Variants in TSHZ3 observed in about 807,000 individuals in gnomAD.
TSHZ3 encodes teashirt zinc finger homeobox 3, also known as teashirt homolog 3.
In TSHZ3, 10 loss-of-function variants were observed where a neutral mutation model predicts 64.5. That is an observed-to-expected ratio of 0.16 (90% confidence interval 0.10 to 0.26). TSHZ3 has a LOEUF of 0.26. Among genes scored for constraint, TSHZ3 ranks in the 10% least tolerant of loss-of-function variants. The probability of loss-of-function intolerance (pLI) is 1.00; values close to 1 mark genes in which losing one functional copy is unlikely to be tolerated. For synonymous variants in TSHZ3, 608 were observed against 593.1 expected (o/e 1.03, Z -0.36); for missense variants, 1,242 against 1,421.7 (o/e 0.87, Z 2.03).
Position 31,349,332 on chromosome 19 carries a change from C to G in TSHZ3, c.-113G>C. 3 of 1,048,752 alleles carry G rather than the reference C, an allele frequency of 2.9e-6. No homozygotes were observed. Among genetic ancestry groups the G allele is most frequent in the Non-Finnish European group, 3.8e-6 (3 of 785,010 alleles). The allele number at this position is 1,048,752 out of a possible 1,614,324, so 65.0% of individuals were successfully genotyped here. ...GGCGAGGCGGGCCTGCTCTCAGCCT[C>G]CCCCCCGGAGAGCGGCCGCCCGCAG... On this transcript the variant is annotated 5_prime_UTR_variant, in exon 1 of 2. Coordinates refer to ENST00000240587, the MANE Select transcript of TSHZ3 (RefSeq NM_020856.4).
intron 1 of TSHZ3, among the ~76,000 whole-genome samples, chr19:31,280,091 A>C (rs1456376939): frequency 6.6e-6 from 1 of 152,146 alleles, no homozygotes; most frequent in Non-Finnish European, 1.5e-5. Context: ...AAAGTAATAA[A>C]TTACTTGTAT....
chr19:31,316,866 A>G (rs1276050006), intron 1 of TSHZ3, among the ~76,000 whole-genome samples: 22 of 152,136 alleles, frequency 1.4e-4, no homozygotes. Context: ...CAGTCTTTCT[A>G]GTCGTTTTCC....
intron 1 of TSHZ3, among the ~76,000 whole-genome samples, chr19:31,299,788 G>A (rs554656462): frequency 7.8e-4 from 118 of 152,244 alleles, no homozygotes; most frequent in Middle Eastern, 3.4e-3. Context: ...GACTGGGTCC[G>A]GGACCCAAGT....
intron 1 of TSHZ3, among the ~76,000 whole-genome samples, chr19:31,286,256 C>A (rs180833970): frequency 6.6e-6 from 1 of 152,314 alleles, no homozygotes; most frequent in South Asian, 2.1e-4. Flanking sequence ...TTGGCATGCA[C>A]AGAACCAAAT....
At chr19:31,191,744 A>T (rs1355060364) in intron 5 of TSHZ3, among the ~76,000 whole-genome samples, 1 of 152,030 alleles carries the variant, frequency 6.6e-6, no homozygotes, top group Non-Finnish European at 1.5e-5. Flanking sequence ...CTGTAGTCCC[A>T]GCTATTTGGG....
intron 5 of TSHZ3, among the ~76,000 whole-genome samples, chr19:31,196,652 A>T (rs1974998103): frequency 1.3e-5 from 2 of 151,982 alleles, no homozygotes; most frequent in Admixed American, 1.3e-4. Context: ...GCTAACACTA[A>T]TCAAAAGAAA....
At chr19:31,289,890 C>G (rs1976534225) in intron 1 of TSHZ3, among the ~76,000 whole-genome samples, 1 of 152,124 alleles carries the variant, frequency 6.6e-6, no homozygotes, top group Non-Finnish European at 1.5e-5. Flanking sequence ...AGCTTATTCT[C>G]AATACACCTG....
intron 3 of TSHZ3, among the ~76,000 whole-genome samples, chr19:31,237,138 A>G (rs1277914332): frequency 6.6e-6 from 1 of 152,196 alleles, no homozygotes; most frequent in Non-Finnish European, 1.5e-5. Flanking sequence ...ACAGAGCGAA[A>G]CTCCGTCTAA....
chr19:31,335,967 T>G (rs1415090154), intron 1 of TSHZ3, among the ~76,000 whole-genome samples: 1 of 152,224 alleles, frequency 6.6e-6, no homozygotes, highest in East Asian at 1.9e-4. Context: ...CCTAGTGCAC[T>G]GATCTGGCGT....
rs571227546 is a variant in TSHZ3 at position 31,332,668 on chromosome 19, C to T, written c.40+16512G>A. Among the ~76,000 whole-genome samples, 9 of 152,176 alleles carry T rather than the reference C, an allele frequency of 5.9e-5. No homozygotes were observed. In the East Asian group the frequency reaches 7.7e-4, roughly 13 times the overall value. On this transcript the variant is annotated intron_variant, in intron 1 of 1. Coordinates refer to ENST00000240587, the MANE Select transcript of TSHZ3 (RefSeq NM_020856.4). ...GGTTCTTCAAAAAAGCTGCACAACT[C>T]GCTATTTCTAATTTTATGAACACCG... is the stretch of plus-strand genomic sequence containing the variant.
intron 5 of TSHZ3, among the ~76,000 whole-genome samples, chr19:31,158,996 C>T (rs574574024): frequency 1.2e-4 from 18 of 152,122 alleles, no homozygotes; most frequent in South Asian, 4.1e-4. Flanking sequence ...CCCTCTTCTA[C>T]GTTTGTTTGT....
rs750470884 is a variant in TSHZ3, at chr19:31,279,109, C to T, written c.684G>A (p.Glu228=). The T allele has an allele frequency of 9.9e-6, 16 of 1,614,008 alleles. No homozygotes were observed. In the South Asian group the frequency reaches 1.8e-4, roughly 18 times the overall value. The part of the protein sequence containing the change: ...DCSAAYDTLV[E]LTVHMNETGH... ...CCGTCTCGTTCATGTGCACCGTCAA[C>T]TCCACCAGGGTGTCGTAGGCAGCGC... Residue 228 remains glutamate, a synonymous_variant, in exon 2 of 2, where the codon GAG becomes GAA. Coordinates refer to ENST00000240587, the MANE Select transcript of TSHZ3 (RefSeq NM_020856.4). The surrounding 1 kb of genome is among the most constrained non-coding windows in gnomAD (Gnocchi z 6.4).
At chr19:31,160,365 C>T (rs1018230635) in intron 5 of TSHZ3, among the ~76,000 whole-genome samples, 2 of 152,316 alleles carry the variant, frequency 1.3e-5, no homozygotes, top group South Asian at 4.1e-4. Flanking sequence ...GGTCTATCTG[C>T]CCCTCTGCCA....
intron 1 of TSHZ3, among the ~76,000 whole-genome samples, chr19:31,322,128 GT>G (rs1427654213): frequency 6.6e-6 from 1 of 152,024 alleles, no homozygotes; most frequent in African/African-American, 2.4e-5. Context: ...ATGGTTTTAT[GT>G]TTGTTTGTTT....
chr19:31,177,125 C>T (rs1371132164), intron 5 of TSHZ3, among the ~76,000 whole-genome samples: 2 of 152,190 alleles, frequency 1.3e-5, no homozygotes, highest in African/African-American at 4.8e-5. Context: ...AGACTTTTCC[C>T]AGCAGCATAG....
At chr19:31,271,276 TG>T (rs1207830304), downstream of TSHZ3, among the ~76,000 whole-genome samples, 2 of 152,062 alleles carry the variant, frequency 1.3e-5, no homozygotes, top group Admixed American at 1.3e-4. Context: ...AAAATCCTCC[TG>T]GGGGTCGCCT....
chr19:31,342,366 TA>T (rs924567118), intron 1 of TSHZ3, among the ~76,000 whole-genome samples: 1 of 152,252 alleles, frequency 6.6e-6, no homozygotes, highest in African/African-American at 2.4e-5. Context: ...TTTTGCTTAA[TA>T]GTACGTTGGT....
chr19:31,164,576 C>T (rs931292658), intron 5 of TSHZ3, among the ~76,000 whole-genome samples: 26 of 152,272 alleles, frequency 1.7e-4, no homozygotes, highest in African/African-American at 6.3e-4. Context: ...GCCAGAGCCT[C>T]GGGTCCCAGT....
intron 5 of TSHZ3, among the ~76,000 whole-genome samples, chr19:31,170,368 C>A (rs1974520616): frequency 6.6e-6 from 1 of 152,142 alleles, no homozygotes. Context: ...ACCCTCATTA[C>A]CTTATCTAAA....
Sources: allele counts gnomAD v4.1 joint callset (sites outside exome capture counted in the v4.1 genomes callset), GRCh38; gene constraint gnomAD v4.1.1; non-coding constraint Gnocchi (gnomAD v3.1); transcripts MANE v1.5; gene names NCBI Gene and HGNC (gene_info 2026-07-23, HGNC 2026-07-21).